The following BZW2 variants were observed in gnomAD, a reference collection of about 807,000 sequenced individuals.
BZW2 encodes eIF5-mimic protein 1.
A neutral mutation model predicts 53.2 loss-of-function variants in BZW2; 23 were observed. The ratio of observed to expected loss-of-function variants is 0.43; its 90% confidence interval spans 0.31 to 0.61. The LOEUF (loss-of-function observed/expected upper bound fraction) is 0.61. Ranked by LOEUF, BZW2 falls within the 20% of genes least tolerant of loss-of-function variation. The pLI, the probability that BZW2 is intolerant of heterozygous loss-of-function variation, is 0.09. For synonymous variants in BZW2, 227 were observed against 186.4 expected (o/e 1.22, Z -1.77); for missense variants, 409 against 503.1 (o/e 0.81, Z 1.79).
rs1479164819 is a variant in BZW2 at position 16,686,225 on chromosome 7, G to T, written c.541+185G>T. On this transcript the variant is annotated intron_variant, in intron 6 of 11. Coordinates refer to ENST00000258761, the MANE Select transcript of BZW2 (RefSeq NM_014038.3). ...AAAGGAGTGGACTTGTTAATTGTAG[G>T]AAGTTTGAAGGAAAAAATATGCACA... 3 of 896,424 alleles carry T rather than the reference G, an allele frequency of 3.3e-6. No homozygotes were observed. The highest frequency in any genetic ancestry group is 1.7e-5 in the African/African-American group (1 of 58,902). 55.5% of individuals were successfully genotyped at this position (896,424 alleles called of 1,614,324 possible).
In BZW2 at chr7:16,681,352, A is replaced by G; in HGVS notation, c.287A>G (p.His96Arg). The change falls in exon 4 of 12, where the codon CAC (histidine) becomes CGC (arginine). Residue 96 changes from histidine to arginine, a missense_variant. This residue lies in a region of BZW2 where 316 missense variants were observed against 366.8 expected (regional missense o/e 0.86). Transcript: ENST00000258761. ...GGTGACAAGACCAAGATGACCAACC[A>G]CTGTGTGTTTTCAGCAAATGAAGAT... ...DDGDKTKMTN[H>R]CVFSANEDHE... The G allele has an allele frequency of 6.2e-7, 1 of 1,614,082 alleles. No homozygotes were observed. Among genetic ancestry groups the G allele is most frequent in the Non-Finnish European group, 8.5e-7 (1 of 1,179,994 alleles).
At chr7:16,676,339 G>A (rs556712717) in intron 3 of BZW2, among the ~76,000 whole-genome samples, 15 of 151,948 alleles carry the variant, frequency 9.9e-5, no homozygotes, top group East Asian at 7.8e-4. Context: ...ACCTGAGATC[G>A]GGAGTTCGAG....
intron 7 of BZW2, among the ~76,000 whole-genome samples, chr7:16,690,310 T>A (rs1264532330): frequency 6.6e-6 from 1 of 152,048 alleles, no homozygotes; most frequent in Non-Finnish European, 1.5e-5. Flanking sequence ...CAAACAATTC[T>A]CCTGCCTCAG....
chr7:16,648,464 T>C (rs1781919167), intron 1 of BZW2, among the ~76,000 whole-genome samples: 1 of 152,218 alleles, frequency 6.6e-6, no homozygotes, highest in Non-Finnish European at 1.5e-5. Context: ...GTTTGAAATG[T>C]TGTATGTGTC....
chr7:16,664,130 A>G (rs920564171), intron 1 of BZW2, among the ~76,000 whole-genome samples: 5 of 152,080 alleles, frequency 3.3e-5, no homozygotes, highest in African/African-American at 1.2e-4. Flanking sequence ...TCTTTCCATA[A>G]CAGTCCAGCA....
chr7:16,681,464 C>CT, intron 4 of BZW2, 60 bp downstream of exon 4: 1 of 1,330,562 alleles, frequency 7.5e-7, no homozygotes, highest in Non-Finnish European at 1.1e-6. Flanking sequence ...TCTATAGAAG[C>CT]TCTACAGTCC....
At chr7:16,677,782 G>C (rs1210031636) in intron 3 of BZW2, among the ~76,000 whole-genome samples, 1 of 152,136 alleles carries the variant, frequency 6.6e-6, no homozygotes, top group South Asian at 2.1e-4. Context: ...GCCTGGTCCA[G>C]TAAATAATAA....
rs377010139 is a variant in BZW2, at chr7:16,689,761, G to A, written c.542-36G>A. The A allele has an allele frequency of 1.3e-4, 206 of 1,553,672 alleles. 1 individual carries two copies. The highest frequency in any genetic ancestry group is 5.5e-4 in the South Asian group (47 of 85,656). ...CACACCATCACAATTGGTTTTGCTC[G>A]TAAAAGGAATGAAATTCTCTTTTGT... is the stretch of plus-strand genomic sequence containing the variant. On this transcript the variant is annotated intron_variant, in intron 6 of 11. Coordinates refer to ENST00000258761, the MANE Select transcript of BZW2 (RefSeq NM_014038.3).
chr7:16,694,859 G>T lies in BZW2; in HGVS notation c.677G>T (p.Ser226Ile). Reference protein sequence around the residue: ...LLELFPVNRQSVDHFAKYFTD... With the variant: ...LLELFPVNRQIVDHFAKYFTD... ...GAACTCTTTCCAGTTAACAGACAGA[G>T]TGTGGATCATTTTGCTAAATACTTC... The change falls in exon 8 of 12, where the codon AGT (serine) becomes ATT (isoleucine). Residue 226 changes from serine (S) to isoleucine (I), a missense_variant. This residue lies in a region of BZW2 where 316 missense variants were observed against 366.8 expected (regional missense o/e 0.86). Transcript: ENST00000258761. The T allele has an allele frequency of 6.5e-7, 1 of 1,547,384 alleles. No homozygotes were observed. The highest frequency in any genetic ancestry group is 8.8e-7 in the Non-Finnish European group (1 of 1,130,460).
intron 6 of BZW2, chr7:16,686,360 G>A (rs1043743676): frequency 3.2e-5 from 8 of 249,166 alleles, no homozygotes; most frequent in East Asian, 9.4e-5. Context: ...TTTGCCCTTC[G>A]ACACAAAATG....
At chr7:16,660,512 C>T (rs888519825) in intron 1 of BZW2, among the ~76,000 whole-genome samples, 1 of 151,852 alleles carries the variant, frequency 6.6e-6, no homozygotes, top group African/African-American at 2.4e-5. Flanking sequence ...CTCTAGCCAC[C>T]TGGCTTTGAA....
At chr7:16,663,619 G>A (rs1253402593) in intron 1 of BZW2, among the ~76,000 whole-genome samples, 2 of 151,780 alleles carry the variant, frequency 1.3e-5, no homozygotes, top group African/African-American at 4.8e-5. Flanking sequence ...AAAACTTTTG[G>A]GAGTAATTAA....
intron 1 of BZW2, among the ~76,000 whole-genome samples, chr7:16,655,938 A>G (rs1034174520): frequency 6.6e-6 from 1 of 151,970 alleles, no homozygotes; most frequent in Non-Finnish European, 1.5e-5. Flanking sequence ...TTTATCTCTT[A>G]TTTCTTCAGT....
At chr7:16,678,489 C>T (rs1782837178) in intron 3 of BZW2, among the ~76,000 whole-genome samples, 1 of 152,114 alleles carries the variant, frequency 6.6e-6, no homozygotes, top group Admixed American at 6.5e-5. Context: ...AATACTTTGT[C>T]CTAATATCAG....
chr7:16,688,350 C>T (rs1321626918), intron 6 of BZW2, among the ~76,000 whole-genome samples: 1 of 152,212 alleles, frequency 6.6e-6, no homozygotes, highest in Non-Finnish European at 1.5e-5. Context: ...GCATATTCTT[C>T]CTGGTTCAGG....
chr7:16,703,114 C>T lies in BZW2; in HGVS notation c.1109-1433C>T, dbSNP rs550103493. On this transcript the variant is annotated intron_variant, in intron 10 of 11. Coordinates refer to ENST00000258761, the MANE Select transcript of BZW2 (RefSeq NM_014038.3). ...TCCTCAGCTCTATGACAATTAGGCTCTGATGGCTGGTAGAAATTTCTTTTA... is the reference window on the plus strand; with the variant it reads ...TCCTCAGCTCTATGACAATTAGGCTTTGATGGCTGGTAGAAATTTCTTTTA... Among the ~76,000 whole-genome samples the T allele has an allele frequency of 1.1e-4, 16 of 152,260 alleles. No homozygotes were observed. In the South Asian group the frequency reaches 3.1e-3, roughly 30 times the overall value.
intron 1 of BZW2, among the ~76,000 whole-genome samples, chr7:16,651,756 C>T (rs1378506493): frequency 6.6e-6 from 1 of 152,134 alleles, no homozygotes; most frequent in African/African-American, 2.4e-5. Context: ...AATTCTCTCT[C>T]TAAAGATAAA....
At chr7:16,704,396 A>G in intron 10 of BZW2, 151 bp from the exon 11 acceptor site, 1 of 730,722 alleles carries the variant, frequency 1.4e-6, no homozygotes, top group Non-Finnish European at 2.0e-6. Flanking sequence ...GCACTATGCT[A>G]CATGAAAATC....
At chr7:16,697,894 C>A in intron 9 of BZW2, 154 bp from the exon 10 acceptor site, 1 of 859,378 alleles carries the variant, frequency 1.2e-6, no homozygotes, top group Non-Finnish European at 1.8e-6. Context: ...TTCTGTTCCC[C>A]TCACCCCATT....
Sources: allele counts gnomAD v4.1 joint callset (sites outside exome capture counted in the v4.1 genomes callset), GRCh38; gene constraint gnomAD v4.1.1; regional missense constraint gnomAD v4.1.1; transcripts MANE v1.5; gene names NCBI Gene and HGNC (gene_info 2026-07-23, HGNC 2026-07-21).